The following SLC22A8 variants were observed in gnomAD, a reference collection of about 807,000 sequenced individuals.
The protein encoded by SLC22A8 is organic anion transporter 3.
In SLC22A8, 40 loss-of-function variants were observed where a neutral mutation model predicts 48.4. The ratio of observed to expected loss-of-function variants is 0.83; its 90% confidence interval spans 0.64 to 1.08. The LOEUF (loss-of-function observed/expected upper bound fraction) is 1.08, where lower values mean the gene tolerates loss of function less well. SLC22A8 is among the 50% of genes least tolerant of loss of function. The probability of loss-of-function intolerance (pLI) is 0.00; values close to 1 mark genes in which losing one functional copy is unlikely to be tolerated. For missense variants in SLC22A8, 606 were observed against 699.0 expected, an observed-to-expected ratio of 0.87 and a Z score of 1.50; for synonymous variants, 268 against 286.3, an observed-to-expected ratio of 0.94 and a Z score of 0.65.
intron 2 of SLC22A8, among the ~76,000 whole-genome samples, chr11:63,005,211 A>G (rs2086541095): frequency 6.6e-6 from 1 of 152,266 alleles, no homozygotes; most frequent in Non-Finnish European, 1.5e-5. Context: ...AGAACTGATG[A>G]GAAAAATATG....
At chr11:62,996,595 T>C (rs2086423514) in intron 5 of SLC22A8, among the ~76,000 whole-genome samples, 1 of 152,136 alleles carries the variant, frequency 6.6e-6, no homozygotes, top group Admixed American at 6.5e-5. Flanking sequence ...ACAGGGCAGC[T>C]TGGGAGGGGG....
intron 2 of SLC22A8, among the ~76,000 whole-genome samples, chr11:63,002,896 G>C (rs2135131177): frequency 6.6e-6 from 1 of 152,230 alleles, no homozygotes; most frequent in Middle Eastern, 3.4e-3. Flanking sequence ...CTAATATCAT[G>C]CTATTTTACA....
chr11:63,002,827 G>A (rs1021595841), intron 2 of SLC22A8, among the ~76,000 whole-genome samples: 2 of 152,156 alleles, frequency 1.3e-5, no homozygotes, highest in Non-Finnish European at 2.9e-5. Flanking sequence ...ACTGGGCACT[G>A]TTCTAAGCTC....
intron 2 of SLC22A8, chr11:63,001,064 C>A: frequency 2.1e-6 from 1 of 484,294 alleles, no homozygotes; most frequent in Non-Finnish European, 3.8e-6. Context: ...TCAAAGTCCA[C>A]TCAGCTACCA....
chr11:62,994,801 G>A (rs2086395437), intron 7 of SLC22A8, 45 bp from the exon 8 acceptor site: 9 of 1,465,232 alleles, frequency 6.1e-6, no homozygotes, highest in Non-Finnish European at 8.6e-6. Flanking sequence ...GCCAGGCAGA[G>A]GCCACTCCCC....
intron 6 of SLC22A8, 34 bp downstream of exon 6, chr11:62,995,995 G>C: frequency 1.2e-6 from 2 of 1,613,244 alleles, no homozygotes; most frequent in Non-Finnish European, 1.7e-6. Flanking sequence ...GAGCACAGGG[G>C]TTCTGCTCCC....
rs755101043 is a variant in SLC22A8, at chr11:62,996,031, C to G, written c.883G>C (p.Glu295Gln). 6.2e-7 allele frequency: 1 copy of G among 1,614,090 alleles called. No individual in the cohort carries two copies. The highest frequency in any genetic ancestry group is 1.7e-5 in the Admixed American group (1 of 60,018). Residue 295 changes from glutamate to glutamine, a missense_variant and splice_region_variant, in exon 6 of 11, where the codon GAG becomes CAG. By Grantham distance (29) the Glu-to-Gln change is conservative. Coordinates refer to ENST00000336232, the MANE Select transcript of SLC22A8 (RefSeq NM_004254.4). The stretch of plus-strand genomic sequence containing the variant: ...AGACTATAGTCCTCAGCCCCTACCT[C>G]CAAGCTGAGCCTTTCTCCCTCTTCC... Reference protein sequence around the residue: ...KKEEGERLSLEELKLNLQKEI... With the variant: ...KKEEGERLSLQELKLNLQKEI...
At chr11:63,001,117 C>T in intron 2 of SLC22A8, 1 of 389,330 alleles carries the variant, frequency 2.6e-6, no homozygotes, top group South Asian at 2.4e-5. Flanking sequence ...TCCAAGTTGC[C>T]TGCTTCCCTG....
intron 5 of SLC22A8, among the ~76,000 whole-genome samples, chr11:62,998,479 G>A (rs371984584): frequency 3.9e-5 from 6 of 152,038 alleles, no homozygotes; most frequent in East Asian, 3.9e-4. Flanking sequence ...TAGTCTCCCC[G>A]AATCTTCCTC....
Position 63,000,708 on chromosome 11 carries a change from C to T in SLC22A8, c.437+12G>A, listed in dbSNP as rs746072995. 6.3e-7 allele frequency: 1 copy of T among 1,582,594 alleles called. No homozygotes were observed. The highest frequency in any genetic ancestry group is 8.7e-7 in the Non-Finnish European group (1 of 1,151,378). ...GGGTCATGCTTCCATGGGCTGTGCC[C>T]CCATGTCTCACCTGTCAGACAGGTC... On this transcript the variant is annotated intron_variant, in intron 3 of 10. Transcript: ENST00000336232.
chr11:63,014,888 A>G lies in SLC22A8; in HGVS notation c.71T>C (p.Leu24Pro). 2 of 1,602,230 alleles carry G rather than the reference A, an allele frequency of 1.2e-6. No individual in the cohort carries two copies. The highest frequency in any genetic ancestry group is 1.7e-6 in the Non-Finnish European group (2 of 1,171,994). ...GGCCATGTTGAGGATCGGGAGGCCC[A>G]GTATGGCTACATGCAGGAACTGGAA... Reference protein sequence around the residue: ...GHFQFLHVAILGLPILNMANH... With the variant: ...GHFQFLHVAIPGLPILNMANH... The change falls in exon 2 of 11, where the codon CTG becomes CCG. Residue 24 changes from leucine to proline, a missense_variant. Leu to Pro is a moderately conservative substitution (Grantham distance 98, BLOSUM62 -3). Transcript: ENST00000336232.
intron 1 of SLC22A8, 144 bp downstream of exon 1, chr11:63,015,585 C>G (rs1008761698): frequency 6.6e-6 from 1 of 152,564 alleles, no homozygotes; most frequent in Non-Finnish European, 1.5e-5. Flanking sequence ...GGGGCTGGGC[C>G]CACCATGCTG....
rs774283416 is a variant in SLC22A8 at position 62,994,659 on chromosome 11, C to T, written c.1099G>A (p.Val367Ile). 1.9e-6 allele frequency: 3 copies of T among 1,614,238 alleles called. No individual in the cohort carries two copies. The highest frequency in any genetic ancestry group is 1.7e-5 in the Admixed American group (1 of 60,028). Reference sequence around the variant, plus strand: ...AGGATGGTGATGAACTTGGCTGGGACATCGACCCCACCAAAGATGATCTGG... The same window carrying T: ...AGGATGGTGATGAACTTGGCTGGGATATCGACCCCACCAAAGATGATCTGG... ...ILQIIFGGVD[V>I]PAKFITILSL... Residue 367 changes from valine to isoleucine, a missense_variant, in exon 8 of 11, where the codon GTC becomes ATC. By Grantham distance (29) the Val-to-Ile change is conservative (BLOSUM62 3). Coordinates refer to ENST00000336232, the MANE Select transcript of SLC22A8 (RefSeq NM_004254.4).
chr11:63,014,580 T>G, intron 2 of SLC22A8, 46 bp downstream of exon 2: 1 of 1,486,020 alleles, frequency 6.7e-7, no homozygotes, highest in Non-Finnish European at 9.2e-7. Flanking sequence ...GTGCAGGGTA[T>G]GGGGGTACGT....
In SLC22A8 at chr11:62,994,604, G is replaced by C. The variant is rs1237950594; in HGVS notation, c.1154C>G (p.Thr385Ser). Reference sequence around the variant, plus strand: ...TGCCAGGAGCAGGGCAGCGGCCTGAGTGGTATGCCGGCCCAGGTAGCTTAA... The same window carrying C: ...TGCCAGGAGCAGGGCAGCGGCCTGACTGGTATGCCGGCCCAGGTAGCTTAA... ...LSLSYLGRHT[T>S]QAAALLLAGG... The change falls in exon 8 of 11, where the codon ACT (threonine) becomes AGT (serine). Residue 385 changes from threonine to serine, a missense_variant. Thr to Ser is a moderately conservative substitution (Grantham distance 58). Coordinates refer to ENST00000336232, the MANE Select transcript of SLC22A8 (RefSeq NM_004254.4). The C allele has an allele frequency of 6.2e-7, 1 of 1,614,070 alleles. No individual in the cohort carries two copies. Among genetic ancestry groups the C allele is most frequent in the Non-Finnish European group, 8.5e-7 (1 of 1,179,974 alleles).
intron 2 of SLC22A8, among the ~76,000 whole-genome samples, chr11:63,010,936 G>A (rs1481379545): frequency 1.3e-5 from 2 of 152,292 alleles, no homozygotes; most frequent in South Asian, 2.1e-4. Flanking sequence ...CATCCCTCCC[G>A]TCTGTCTCTC....
chr11:62,999,133 C>T (rs372719462), intron 4 of SLC22A8, 44 bp from the exon 5 acceptor site: 2 of 1,557,552 alleles, frequency 1.3e-6, no homozygotes, highest in Admixed American at 1.7e-5. Flanking sequence ...CTGCTAGGTC[C>T]CAGGCACCTC....
intron 2 of SLC22A8, among the ~76,000 whole-genome samples, chr11:63,011,363 A>T (rs939762783): frequency 1.3e-5 from 2 of 152,228 alleles, no homozygotes; most frequent in Non-Finnish European, 1.5e-5. Context: ...CAGTGTGAGC[A>T]TGCAGTAAAT....
rs752939398 is a variant in SLC22A8, at chr11:63,014,854, G to C, written c.105C>G (p.Asn35Lys). 8.4e-5 allele frequency: 136 copies of C among 1,611,958 alleles called. 2 individuals are homozygous for C. In the South Asian group the frequency reaches 1.4e-3, roughly 17 times the overall value. Residue 35 changes from asparagine (N) to lysine (K), a missense_variant, in exon 2 of 11, where the codon AAC becomes AAG. Coordinates refer to ENST00000336232, the MANE Select transcript of SLC22A8 (RefSeq NM_004254.4). ...TGGCGGCTGTGAAGATCTGCAGCAG[G>C]TTGTGGTTGGCCATGTTGAGGATCG... ...GLPILNMANHNLLQIFTAATP... is the reference protein window; with the variant it reads ...GLPILNMANHKLLQIFTAATP...
Sources: gnomAD v4.1 joint callset for allele counts (sites outside exome capture counted in the v4.1 genomes callset) on GRCh38, gnomAD v4.1.1 for gene constraint, MANE v1.5 for transcripts, NCBI Gene and HGNC (gene_info 2026-07-23, HGNC 2026-07-21) for gene names.